KIRREL2: variants seen among roughly 807,000 people sequenced by gnomAD.
KIRREL2 encodes the protein kin of IRRE-like protein 2.
In KIRREL2, 56 loss-of-function variants were observed where a neutral mutation model predicts 73.4. That is an observed-to-expected ratio of 0.76 (90% CI 0.62 to 0.95). The LOEUF (loss-of-function observed/expected upper bound fraction) is 0.95. KIRREL2 is among the 40% of genes least tolerant of loss of function. KIRREL2 has a pLI of 0.00. For synonymous variants in KIRREL2, 407 were observed against 404.0 expected (o/e 1.01, Z -0.09); for missense variants, 896 against 935.0 (o/e 0.96, Z 0.54).
intron 5 of KIRREL2, among the ~76,000 whole-genome samples, chr19:35,859,840 T>C (rs192946327): frequency 6.6e-6 from 1 of 151,884 alleles, no homozygotes; most frequent in Non-Finnish European, 1.5e-5. Flanking sequence ...AGATCAGGAG[T>C]TCGAGACCAG....
chr19:35,852,086 CTTTTTTTTTTCT>C (rs1973282708), upstream of KIRREL2, among the ~76,000 whole-genome samples: 4 of 141,042 alleles, frequency 2.8e-5, no homozygotes, highest in African/African-American at 1.1e-4. Context: ...TTTCTTTTTT[CTTTTTTTTTTCT>C]TTTTTTTTTT....
intron 3 of KIRREL2, 66 bp from the exon 4 acceptor site, chr19:35,858,638 C>A: frequency 6.2e-7 from 1 of 1,608,544 alleles, no homozygotes; most frequent in East Asian, 2.2e-5. Flanking sequence ...CCAGGGAGCC[C>A]AGGGGCATGG....
intron 14 of KIRREL2, 63 bp from the exon 15 acceptor site, chr19:35,866,094 A>T: frequency 6.6e-7 from 1 of 1,507,898 alleles, no homozygotes; most frequent in Non-Finnish European, 9.0e-7. Flanking sequence ...GTGTCTCTCC[A>T]TCAGTGACCC....
chr19:35,860,728 G>A, intron 7 of KIRREL2, 61 bp downstream of exon 7: 2 of 1,595,060 alleles, frequency 1.3e-6, no homozygotes, highest in Admixed American at 1.7e-5. Context: ...GGGCTGTTGA[G>A]GGTCGGGGCC....
At chr19:35,862,085 C>A (rs545867902) in intron 11 of KIRREL2, 61 bp downstream of exon 11, 1,064 of 1,432,354 alleles carry the variant, frequency 7.4e-4, no homozygotes, top group Non-Finnish European at 9.6e-4. Flanking sequence ...ACGCAGGGAT[C>A]CCCCAGCCGA....
intron 13 of KIRREL2, among the ~76,000 whole-genome samples, chr19:35,864,358 T>G (rs554415978): frequency 6.6e-6 from 1 of 152,150 alleles, no homozygotes; most frequent in Admixed American, 6.5e-5. Flanking sequence ...CCTGCCTATT[T>G]TTTGCATTTT....
At chr19:35,853,891 C>G (rs542246602), upstream of KIRREL2, among the ~76,000 whole-genome samples, 3 of 129,820 alleles carry the variant, frequency 2.3e-5, no homozygotes, top group East Asian at 6.8e-4. Context: ...GTCACCCAGG[C>G]TGGAGTGCAA....
chr19:35,851,633 C>T (rs1311434081), upstream of KIRREL2: 4 of 1,613,782 alleles, frequency 2.5e-6, no homozygotes, highest in East Asian at 4.5e-5. Flanking sequence ...GGCCCAGAAG[C>T]CCCGGGGAAC....
Position 35,858,804 on chromosome 19 carries a change from T to C in KIRREL2, c.462T>C (p.Pro154=). The C allele has an allele frequency of 6.2e-7, 1 of 1,614,198 alleles. No homozygotes were observed. The highest frequency in any genetic ancestry group is 8.5e-7 in the Non-Finnish European group (1 of 1,180,030). Residue 154 remains proline, a synonymous_variant, in exon 4 of 15, where the codon CCT becomes CCC. Coordinates refer to ENST00000360202, the MANE Select transcript of KIRREL2 (RefSeq NM_199180.4). ...GTCGGAGCCGTGGGGATGCCCGCCC[T>C]ACCCCTGAATTGCTGTGGTTCCGAG... ...LTCRSRGDAR[P]TPELLWFRDG... is the part of the protein sequence containing the mutation.
intron 9 of KIRREL2, 107 bp downstream of exon 9, chr19:35,861,361 C>G: frequency 2.7e-6 from 4 of 1,496,156 alleles, no homozygotes; most frequent in Non-Finnish European, 2.7e-6. Context: ...AGCTTTACAC[C>G]CAGCGGGGGC....
intron 14 of KIRREL2, among the ~76,000 whole-genome samples, chr19:35,865,510 C>T (rs554876035): frequency 2.1e-4 from 32 of 152,320 alleles, no homozygotes; most frequent in African/African-American, 6.7e-4. Flanking sequence ...TACCTAATTC[C>T]TTCCTTTAGT....
chr19:35,866,582 A>G lies in KIRREL2; in HGVS notation c.*90A>G. ...GGAGCCAGGACAAGTTGGCGACCTT[A>G]CTCCTCCAAAACTGAACACAAGGGG... On this transcript the variant is annotated 3_prime_UTR_variant, in exon 15 of 15. Transcript: ENST00000360202. 2 of 1,576,708 alleles carry G rather than the reference A, an allele frequency of 1.3e-6. No individual in the cohort carries two copies. The highest frequency in any genetic ancestry group is 2.3e-5 in the South Asian group (2 of 88,814).
upstream of KIRREL2, chr19:35,856,907 T>C: frequency 1.6e-6 from 1 of 641,482 alleles, no homozygotes. This position sits in a 1 kb window ranked among gnomAD's most constrained non-coding sequence, Gnocchi z 5.9. Context: ...TCTTGGGGTC[T>C]CCCAGAGACC....
At chr19:35,865,075 C>A (rs1973908888) in intron 14 of KIRREL2, among the ~76,000 whole-genome samples, 1 of 152,074 alleles carries the variant, frequency 6.6e-6, no homozygotes. Flanking sequence ...TGGGGTCCTA[C>A]CTCAGGACAG....
chr19:35,855,357 C>T (rs937274645), upstream of KIRREL2, among the ~76,000 whole-genome samples: 3 of 152,036 alleles, frequency 2.0e-5, no homozygotes, highest in Admixed American at 6.6e-5. Flanking sequence ...GCTCCTGGGA[C>T]CTTGGGCTCT....
rs565554773 is a variant in KIRREL2, at chr19:35,866,633, G to C, written c.*141G>C. On this transcript the variant is annotated 3_prime_UTR_variant, in exon 15 of 15. Transcript: ENST00000360202. Reference sequence around the variant, plus strand: ...AGGGAAAGATCATTACATTTGTCAGGAGCATTTGTATACAGTCAGCTCAGC... The same window carrying C: ...AGGGAAAGATCATTACATTTGTCAGCAGCATTTGTATACAGTCAGCTCAGC... 3.0e-6 allele frequency: 4 copies of C among 1,321,466 alleles called. No homozygotes were observed. The African/African-American group carries it at 5.9e-5, about 20-fold the overall frequency. 81.9% of individuals were successfully genotyped at this position (1,321,466 alleles called of 1,614,324 possible).
At chr19:35,852,209 G>A (rs539492326), upstream of KIRREL2, among the ~76,000 whole-genome samples, 7 of 150,746 alleles carry the variant, frequency 4.6e-5, no homozygotes, top group East Asian at 2.0e-4. Context: ...GATTACAGGC[G>A]TGAGCCACTG....
chr19:35,861,458 G>C, intron 9 of KIRREL2, 83 bp from the exon 10 acceptor site: 2 of 1,490,496 alleles, frequency 1.3e-6, no homozygotes, highest in Non-Finnish European at 1.8e-6. Flanking sequence ...TTAGCGGAGA[G>C]TGCGCTGGAC....
intron 9 of KIRREL2, 21 bp downstream of exon 9, chr19:35,861,275 AG>A: frequency 6.6e-7 from 1 of 1,520,310 alleles, no homozygotes; most frequent in Non-Finnish European, 8.7e-7. Context: ...GGGGCTTCCT[AG>A]GGGACCTGGC....
Sources: allele counts gnomAD v4.1 joint callset (sites outside exome capture counted in the v4.1 genomes callset), GRCh38; gene constraint gnomAD v4.1.1; non-coding constraint Gnocchi (gnomAD v3.1); transcripts MANE v1.5; gene names NCBI Gene and HGNC (gene_info 2026-07-23, HGNC 2026-07-21).